Variants in NIN observed in about 807,000 individuals in gnomAD.
The protein encoded by NIN is glycogen synthase kinase 3 beta-interacting protein.
NIN carries 137 observed loss-of-function variants against 257.6 expected under a neutral mutation model. The ratio of observed to expected loss-of-function variants is 0.53; its 90% CI spans 0.46 to 0.61. The LOEUF (loss-of-function observed/expected upper bound fraction) is 0.61. Among genes scored for constraint, NIN ranks in the 20% least tolerant of loss-of-function variants. The pLI, the probability that NIN is intolerant of heterozygous loss-of-function variation, is 0.00. For missense variants in NIN, 2,439 were observed against 2,501.2 expected (o/e 0.98, Z 0.53); for synonymous variants, 918 against 919.8 (o/e 1.00, Z 0.04).
At chr14:50,729,780 C>A in intron 28 of NIN, 57 bp from the exon 29 acceptor site, 1 of 1,353,892 alleles carries the variant, frequency 7.4e-7, no homozygotes, top group East Asian at 2.4e-5. Flanking sequence ...CAGAGCTGCC[C>A]TTTATGGTGT....
intron 28 of NIN, among the ~76,000 whole-genome samples, chr14:50,732,608 T>C (rs761980985): frequency 6.6e-6 from 1 of 152,232 alleles, no homozygotes; most frequent in Non-Finnish European, 1.5e-5. Context: ...ATGTTAGGTA[T>C]ATATTTATCA....
chr14:50,816,494 T>A (rs1018218460), intron 3 of NIN, among the ~76,000 whole-genome samples: 4 of 152,110 alleles, frequency 2.6e-5, no homozygotes, highest in Non-Finnish European at 5.9e-5. Context: ...GGTGAGGGAA[T>A]GGAGATTCAC....
intron 4 of NIN, among the ~76,000 whole-genome samples, chr14:50,799,131 T>C (rs1485069684): frequency 2.6e-5 from 4 of 152,220 alleles, no homozygotes; most frequent in Admixed American, 2.6e-4. Context: ...GGATAGACTA[T>C]AACACTTTCC....
At chr14:50,740,055 C>CT (rs1370488637) in intron 25 of NIN, among the ~76,000 whole-genome samples, 2 of 151,174 alleles carry the variant, frequency 1.3e-5, no homozygotes, top group African/African-American at 4.9e-5. Flanking sequence ...TTTTTTGGAT[C>CT]TTGAAAATGA....
At chr14:50,776,662 A>C (rs1183118262) in intron 7 of NIN, among the ~76,000 whole-genome samples, 2 of 152,222 alleles carry the variant, frequency 1.3e-5, no homozygotes, top group Admixed American at 1.3e-4. Flanking sequence ...CTACAAATAC[A>C]TCTGACATCA....
intron 2 of NIN, among the ~76,000 whole-genome samples, chr14:50,827,543 C>T (rs139385712): frequency 7.3e-4 from 109 of 149,694 alleles, no homozygotes; most frequent in African/African-American, 2.1e-3. Context: ...GTCAGGAGAT[C>T]GGGGCCATCC....
intron 3 of NIN, among the ~76,000 whole-genome samples, chr14:50,810,526 A>G (rs2044543366): frequency 6.6e-6 from 1 of 152,230 alleles, no homozygotes; most frequent in Admixed American, 6.5e-5. Context: ...CTCCATCTCA[A>G]AAAATATAAA....
intron 5 of NIN, among the ~76,000 whole-genome samples, chr14:50,789,274 A>T (rs566628766): frequency 6.6e-6 from 1 of 152,348 alleles, no homozygotes; most frequent in East Asian, 1.9e-4. Context: ...GGCCAGCAGT[A>T]CAATAAAGAA....
At chr14:50,788,268 A>G (rs965278448) in intron 5 of NIN, among the ~76,000 whole-genome samples, 1 of 152,204 alleles carries the variant, frequency 6.6e-6, no homozygotes, top group African/African-American at 2.4e-5. Flanking sequence ...CCGTGCCACC[A>G]TATCACAGTG....
At chr14:50,790,221 A>C (rs560174251) in intron 5 of NIN, among the ~76,000 whole-genome samples, 1 of 151,916 alleles carries the variant, frequency 6.6e-6, no homozygotes, top group African/African-American at 2.4e-5. Context: ...ATGCTCAGTT[A>C]ATTTTTTTGA....
rs1464934908 is a variant in NIN at position 50,757,307 on chromosome 14, G to A, written c.3723C>T (p.Ile1241=). ...LKKKLKMLER[I]PEASPKYKLL... ...GCTTATATTTGGGAGAAGCCTCAGG[G>A]ATTCTCTCAAGCATCTTCAGTTTCT... The change falls in exon 18 of 31, where the codon ATC becomes ATT. Residue 1241 remains isoleucine (I), a synonymous_variant. Coordinates refer to ENST00000530997, the MANE Select transcript of NIN (RefSeq NM_020921.4). 2 of 1,613,894 alleles carry A rather than the reference G, an allele frequency of 1.2e-6. No individual in the cohort carries two copies. Among genetic ancestry groups the A allele is most frequent in the East Asian group, 2.2e-5 (1 of 44,902 alleles).
intron 28 of NIN, among the ~76,000 whole-genome samples, chr14:50,732,517 G>A (rs371828049): frequency 6.6e-6 from 1 of 152,192 alleles, no homozygotes; most frequent in Non-Finnish European, 1.5e-5. Flanking sequence ...TTTGGAAGGA[G>A]TGGTAATGGT....
At chr14:50,730,600 A>C (rs1426014035) in intron 28 of NIN, among the ~76,000 whole-genome samples, 2 of 151,396 alleles carry the variant, frequency 1.3e-5, no homozygotes, top group Non-Finnish European at 2.9e-5. Context: ...CTTATATCTA[A>C]ATTTCTAGGT....
rs2040280783 is a variant in NIN, at chr14:50,722,047, G to C, written c.*1416C>G. On this transcript the variant is annotated 3_prime_UTR_variant, in exon 31 of 31. Transcript: ENST00000530997. Reference sequence around the variant, plus strand: ...GGAATATATCAAAGCGAACTTTTCGGATTATTGTCTCATGAAAACAAGCAG... The same window carrying C: ...GGAATATATCAAAGCGAACTTTTCGCATTATTGTCTCATGAAAACAAGCAG... 1 of 228,824 alleles carries C rather than the reference G, an allele frequency of 4.4e-6. No homozygotes were observed. Among genetic ancestry groups the C allele is most frequent in the Non-Finnish European group, 8.7e-6 (1 of 115,290 alleles). 14.2% of individuals were successfully genotyped at this position (228,824 alleles called of 1,614,324 possible). A position where few individuals can be genotyped will look rare whatever the true frequency, so the allele number is the denominator to read the frequency against.
At chr14:50,794,904 C>T (rs1289038112) in intron 4 of NIN, among the ~76,000 whole-genome samples, 1 of 152,080 alleles carries the variant, frequency 6.6e-6, no homozygotes, top group African/African-American at 2.4e-5. Flanking sequence ...AGGGTAGATG[C>T]AGTGGTGGAT....
intron 2 of NIN, among the ~76,000 whole-genome samples, chr14:50,828,513 C>A (rs1174122683): frequency 6.6e-6 from 1 of 152,154 alleles, no homozygotes; most frequent in African/African-American, 2.4e-5. Flanking sequence ...AGTTCAATAG[C>A]TAGAATTCAA....
rs1469523770 is a variant in NIN at position 50,738,376 on chromosome 14, C to T, written c.5629-90G>A. The T allele has an allele frequency of 1.2e-5, 13 of 1,108,578 alleles. No homozygotes were observed. In the South Asian group the frequency reaches 1.8e-4, roughly 15 times the overall value. 68.7% of individuals were successfully genotyped at this position (1,108,578 alleles called of 1,614,324 possible). On this transcript the variant is annotated intron_variant, in intron 26 of 30. Coordinates refer to ENST00000530997, the MANE Select transcript of NIN (RefSeq NM_020921.4). The stretch of plus-strand genomic sequence containing the variant: ...ACATAGGGAAAGTTTTAATTCAGTA[C>T]TTGGGTCCTGTTTAACATCCTTTTT...
intron 28 of NIN, among the ~76,000 whole-genome samples, chr14:50,732,092 A>AT (rs2040739784): frequency 6.6e-6 from 1 of 152,074 alleles, no homozygotes; most frequent in African/African-American, 2.4e-5. Flanking sequence ...TCTAGCCCTA[A>AT]TTTTTTTCTT....
rs373724790 is a variant in NIN, at chr14:50,792,692, G to C, written c.435+20C>G. The C allele has an allele frequency of 6.2e-7, 1 of 1,613,884 alleles. No homozygotes were observed. Among genetic ancestry groups the C allele is most frequent in the South Asian group, 1.1e-5 (1 of 91,056 alleles). On this transcript the variant is annotated intron_variant, in intron 5 of 30. Coordinates refer to ENST00000530997, the MANE Select transcript of NIN (RefSeq NM_020921.4). ...CTCCACACTCATGATCCAGATGAAC[G>C]TGCATGCCCGATTCCTTACCTCACT...
Sources: allele counts gnomAD v4.1 joint callset (sites outside exome capture counted in the v4.1 genomes callset), GRCh38; gene constraint gnomAD v4.1.1; transcripts MANE v1.5; gene names NCBI Gene and HGNC (gene_info 2026-07-23, HGNC 2026-07-21).